Variants in LRRC20 observed in about 807,000 individuals in gnomAD.
The protein encoded by LRRC20 is leucine-rich repeat-containing protein 20.
A neutral mutation model predicts 14.4 loss-of-function variants in LRRC20; 11 were observed. The ratio of observed to expected loss-of-function variants is 0.77; its 90% confidence interval spans 0.48 to 1.27. The LOEUF is 1.27. LRRC20 is among the 50% of genes most tolerant of loss of function. The pLI is 0.00. For missense variants in LRRC20, 219 were observed against 251.2 expected, an observed-to-expected ratio of 0.87 and a Z score of 0.87; for synonymous variants, 121 against 107.3, an observed-to-expected ratio of 1.13 and a Z score of -0.79.
chr10:70,300,246 G>T lies in LRRC20; in HGVS notation c.*1108C>A. The T allele has an allele frequency of 1.7e-6, 1 of 573,456 alleles. No individual in the cohort carries two copies. The highest frequency in any genetic ancestry group is 2.2e-6 in the Non-Finnish European group (1 of 453,638). 35.5% of individuals were successfully genotyped at this position (573,456 alleles called of 1,614,324 possible). A position where few individuals can be genotyped will look rare whatever the true frequency, so the allele number is the denominator to read the frequency against. Reference sequence around the variant, plus strand: ...AAGCAAGAGCCCCAGGCCCTCTCCTGGTAGGGGACCAACCATCCCCACTTG... The same window carrying T: ...AAGCAAGAGCCCCAGGCCCTCTCCTTGTAGGGGACCAACCATCCCCACTTG... On this transcript the variant is annotated 3_prime_UTR_variant, in exon 5 of 5. Transcript: ENST00000446961.
At chr10:70,349,372 G>T (rs569815317) in intron 2 of LRRC20, among the ~76,000 whole-genome samples, 1 of 152,302 alleles carries the variant, frequency 6.6e-6, no homozygotes, top group East Asian at 1.9e-4. Context: ...GAGGTCAGGA[G>T]TTCGAGACCA....
intron 4 of LRRC20, among the ~76,000 whole-genome samples, chr10:70,316,939 T>C (rs1481192546): frequency 3.3e-5 from 5 of 152,178 alleles, no homozygotes; most frequent in Admixed American, 3.3e-4. Context: ...AGCTACCACC[T>C]CGGAGGGCAA....
chr10:70,368,004 G>C (rs1246815926), intron 2 of LRRC20, among the ~76,000 whole-genome samples: 1 of 2,666 alleles, frequency 3.8e-4, no homozygotes, highest in Admixed American at 3.5e-3. Context: ...TATTTTTTGA[G>C]ATGGAGTCTC....
intron 2 of LRRC20, among the ~76,000 whole-genome samples, chr10:70,373,391 G>C (rs1297672461): frequency 6.6e-6 from 1 of 152,098 alleles, no homozygotes. Context: ...TGTAGGTGGT[G>C]GGCTGGTCTC....
chr10:70,372,878 A>G (rs55776783), intron 2 of LRRC20, among the ~76,000 whole-genome samples: 146,600 of 151,524 alleles, frequency 0.97, 71,088 homozygotes, highest in Non-Finnish European at 1. Flanking sequence ...TGAGGCAGGT[A>G]GATCGCTTGA....
chr10:70,314,376 T>C (rs1841782217), intron 4 of LRRC20, among the ~76,000 whole-genome samples: 1 of 152,172 alleles, frequency 6.6e-6, no homozygotes, highest in South Asian at 2.1e-4. Flanking sequence ...CAAACTATCC[T>C]TGAAAAATTC....
At chr10:70,327,756 C>A (rs564213926) in intron 3 of LRRC20, among the ~76,000 whole-genome samples, 1 of 152,106 alleles carries the variant, frequency 6.6e-6, no homozygotes, top group Non-Finnish European at 1.5e-5. Context: ...TCACAGAAAC[C>A]CCAACCTCTC....
intron 2 of LRRC20, among the ~76,000 whole-genome samples, chr10:70,341,452 G>A (rs2137021977): frequency 6.6e-6 from 1 of 152,356 alleles, no homozygotes; most frequent in African/African-American, 2.4e-5. Flanking sequence ...CTCCATGAAA[G>A]GGAATATCAT....
intron 4 of LRRC20, among the ~76,000 whole-genome samples, chr10:70,308,157 T>C (rs1841495237): frequency 6.6e-6 from 1 of 152,160 alleles, no homozygotes; most frequent in Admixed American, 6.5e-5. Context: ...AGATTTGGCC[T>C]CCGCTGAGAG....
intron 2 of LRRC20, among the ~76,000 whole-genome samples, chr10:70,375,963 A>C (rs1054143324): frequency 6.6e-6 from 1 of 152,132 alleles, no homozygotes; most frequent in Non-Finnish European, 1.5e-5. Context: ...ATTCAAGAAA[A>C]ATAGTGGAGT....
intron 3 of LRRC20, among the ~76,000 whole-genome samples, chr10:70,331,814 T>C (rs1842546320): frequency 6.6e-6 from 1 of 152,190 alleles, no homozygotes; most frequent in South Asian, 2.1e-4. Context: ...TGATTAAACC[T>C]ACTGAACTGT....
chr10:70,324,103 G>A, intron 3 of LRRC20, 73 bp from the exon 4 acceptor site: 1 of 1,443,564 alleles, frequency 6.9e-7, no homozygotes, highest in Admixed American at 1.7e-5. Flanking sequence ...ACTGCCCGCT[G>A]TGGCTCTCAC....
Position 70,309,618 on chromosome 10 carries a change from G to A in LRRC20, c.401-8110C>T, listed in dbSNP as rs1841567609. On this transcript the variant is annotated intron_variant, in intron 4 of 4. Coordinates refer to ENST00000446961, the MANE Select transcript of LRRC20 (RefSeq NM_001278212.2). Reference sequence around the variant, plus strand: ...TCAAGATATTCCCACTTGAGAAATGGTGGCTCAGAGCTGCTGTCACCCCTT... The same window carrying A: ...TCAAGATATTCCCACTTGAGAAATGATGGCTCAGAGCTGCTGTCACCCCTT... Among the ~76,000 whole-genome samples the A allele has an allele frequency of 2.6e-5, 4 of 152,366 alleles. No homozygotes were observed. In the South Asian group the frequency reaches 8.3e-4, roughly 32 times the overall value.
intron 2 of LRRC20, among the ~76,000 whole-genome samples, chr10:70,345,964 A>G (rs577023603): frequency 6.6e-6 from 1 of 152,102 alleles, no homozygotes; most frequent in Non-Finnish European, 1.5e-5. Context: ...ACCCGTCTCT[A>G]CAAAAAATAA....
chr10:70,377,583 T>C (rs1411228923), intron 1 of LRRC20, among the ~76,000 whole-genome samples: 1 of 152,084 alleles, frequency 6.6e-6, no homozygotes, highest in Non-Finnish European at 1.5e-5. Flanking sequence ...GCACCCCTTC[T>C]TTGCCCCCAG....
chr10:70,379,215 A>G (rs1402271523), intron 1 of LRRC20, among the ~76,000 whole-genome samples: 1 of 152,232 alleles, frequency 6.6e-6, no homozygotes, highest in Admixed American at 6.5e-5. Flanking sequence ...GCCAATCTGC[A>G]TAAGGCGAGC....
chr10:70,308,772 G>A (rs907876381), intron 4 of LRRC20, among the ~76,000 whole-genome samples: 4 of 152,162 alleles, frequency 2.6e-5, no homozygotes, highest in African/African-American at 9.7e-5. Flanking sequence ...AGAAGGCAGG[G>A]TTATAAGCAG....
chr10:70,357,473 C>G (rs1348069120), intron 2 of LRRC20, among the ~76,000 whole-genome samples: 1 of 152,152 alleles, frequency 6.6e-6, no homozygotes, highest in African/African-American at 2.4e-5. Flanking sequence ...AGTTTGTGCT[C>G]AGTAAGTAAG....
chr10:70,349,149 C>T (rs1843192970), intron 2 of LRRC20, among the ~76,000 whole-genome samples: 1 of 129,304 alleles, frequency 7.7e-6, no homozygotes, highest in Admixed American at 8.0e-5. Flanking sequence ...ATATAGTTCA[C>T]CAAGGCATAA....
Sources: gnomAD v4.1 joint callset for allele counts (sites outside exome capture counted in the v4.1 genomes callset) on GRCh38, gnomAD v4.1.1 for gene constraint, MANE v1.5 for transcripts, NCBI Gene and HGNC (gene_info 2026-07-23, HGNC 2026-07-21) for gene names.